CBFA2T3: variants seen among roughly 807,000 people sequenced by gnomAD.
The protein encoded by CBFA2T3 is transcriptional corepressor CBFA2T3.
In CBFA2T3, 31 loss-of-function variants were observed where a neutral mutation model predicts 58.6. That is an observed-to-expected ratio of 0.53 (90% CI 0.40 to 0.71). CBFA2T3 has a LOEUF of 0.71. CBFA2T3 is among the 30% of genes least tolerant of loss of function. The pLI is 0.00. For synonymous variants in CBFA2T3, 531 were observed against 421.9 expected, an observed-to-expected ratio of 1.26 and a Z score of -3.17; for missense variants, 1,076 against 963.1, an observed-to-expected ratio of 1.12 and a Z score of -1.55.
intron 1 of CBFA2T3, among the ~76,000 whole-genome samples, chr16:88,959,687 A>G (rs1472163652): frequency 6.6e-6 from 1 of 152,224 alleles, no homozygotes; most frequent in Admixed American, 6.5e-5. Context: ...GGCGATGGAG[A>G]GAAAACGGGA....
At chr16:88,899,290 G>C (rs974499514) in intron 2 of CBFA2T3, among the ~76,000 whole-genome samples, 1 of 152,152 alleles carries the variant, frequency 6.6e-6, no homozygotes, top group African/African-American at 2.4e-5. Context: ...CCAGGGGCAG[G>C]GGTGCGGCCA....
In CBFA2T3 at chr16:88,880,850, C is replaced by G. The variant is rs950656042; in HGVS notation, c.1403-62G>C. 9 of 1,420,110 alleles carry G rather than the reference C, an allele frequency of 6.3e-6. No homozygotes were observed. The African/African-American group carries it at 1.1e-4, about 18-fold the overall frequency. The allele number at this position is 1,420,110 out of a possible 1,614,324, so 88.0% of individuals were successfully genotyped here. The stretch of plus-strand genomic sequence containing the variant: ...GCGGCTGCCCCTCCCACGCTGGGGC[C>G]CTCCCCACCCTGGCTGGGCCCTGAG... On this transcript the variant is annotated intron_variant, in intron 9 of 11. Transcript: ENST00000268679.
At chr16:88,932,783 T>TA (rs1200182159) in intron 1 of CBFA2T3, among the ~76,000 whole-genome samples, 1 of 16,786 alleles carries the variant, frequency 6.0e-5, no homozygotes, top group Non-Finnish European at 1.1e-4. Context: ...CCGTCTCTAC[T>TA]AAAAATACAA....
chr16:88,925,690 G>T (rs1721170029), intron 1 of CBFA2T3, among the ~76,000 whole-genome samples: 1 of 152,102 alleles, frequency 6.6e-6, no homozygotes, highest in South Asian at 2.1e-4. Flanking sequence ...GTTTCTTCAG[G>T]GGCCGTCCCT....
intron 1 of CBFA2T3, among the ~76,000 whole-genome samples, chr16:88,927,543 A>G (rs1454072949): frequency 6.6e-6 from 1 of 152,086 alleles, no homozygotes; most frequent in Non-Finnish European, 1.5e-5. Context: ...ATCCAGGGAG[A>G]CAGCGACCCT....
At chr16:88,890,631 G>C (rs146246610) in intron 5 of CBFA2T3, among the ~76,000 whole-genome samples, 13 of 152,362 alleles carry the variant, frequency 8.5e-5, no homozygotes, top group Admixed American at 7.8e-4. Flanking sequence ...ATGGCAGTCT[G>C]ACTCCACGGC....
At chr16:88,954,404 A>AGGGTGCT (rs1208803813) in intron 1 of CBFA2T3, among the ~76,000 whole-genome samples, 1 of 133,680 alleles carries the variant, frequency 7.5e-6, no homozygotes, top group Non-Finnish European at 1.6e-5. Context: ...ACCCTACCCA[A>AGGGTGCT]GACTCCTGAC....
At chr16:88,965,675 G>A (rs980118846) in intron 1 of CBFA2T3, among the ~76,000 whole-genome samples, 1 of 152,160 alleles carries the variant, frequency 6.6e-6, no homozygotes, top group African/African-American at 2.4e-5. Flanking sequence ...TTTTAACAAC[G>A]TCTTGTCCAC....
At position 88,928,003 on chromosome 16, in the gene CBFA2T3, C is replaced by T. The variant is rs529727170; in HGVS notation, c.152-26347G>A. ...CCTCACGGAGGCCTCTGTCCACAGGCAGCGGCTCCCGGCACCCACCGCTGC... is the reference window on the plus strand; with the variant it reads ...CCTCACGGAGGCCTCTGTCCACAGGTAGCGGCTCCCGGCACCCACCGCTGC... On this transcript the variant is annotated intron_variant, in intron 1 of 11. Transcript: ENST00000268679. 6.7e-3 allele frequency among the ~76,000 whole-genome samples: 1,016 copies of T among 152,312 alleles called. 17 individuals carry two copies. Among genetic ancestry groups the T allele is most frequent in the African/African-American group, 0.023 (971 of 41,570 alleles).
intron 1 of CBFA2T3, chr16:88,938,219 A>C (rs933133447): frequency 5.3e-5 from 8 of 152,338 alleles, no homozygotes; most frequent in African/African-American, 1.4e-4. Flanking sequence ...GCTAACCCCG[A>C]GTCATGACCG....
At position 88,885,857 on chromosome 16, in the gene CBFA2T3, C is replaced by A. The variant is rs555315155; in HGVS notation, c.893+104G>T. ...CCTCAGCCCGAGAGAGCCGGCCGGG[C>A]TGGCTGCAGCCCCAGAGGAGGTTCC... On this transcript the variant is annotated intron_variant, in intron 6 of 11. Coordinates refer to ENST00000268679, the MANE Select transcript of CBFA2T3 (RefSeq NM_005187.6). The surrounding 1 kb of genome is among the most constrained non-coding windows in gnomAD (Gnocchi z 5.3). 1.6e-4 allele frequency: 163 copies of A among 1,045,182 alleles called. No individual in the cohort carries two copies. The African/African-American group carries it at 2.3e-3, about 15-fold the overall frequency. The allele number at this position is 1,045,182 out of a possible 1,614,324, so 64.7% of individuals were successfully genotyped here. A position where few individuals can be genotyped will look rare whatever the true frequency, so the allele number is the denominator to read the frequency against.
chr16:88,950,157 G>A (rs1391294818), intron 1 of CBFA2T3: 4 of 455,032 alleles, frequency 8.8e-6, no homozygotes, highest in Non-Finnish European at 1.8e-5. Flanking sequence ...CTTGTTCTGC[G>A]TTTCCCTGTT....
At chr16:88,892,051 GGCTTCCGTGT>G in intron 4 of CBFA2T3, 80 bp from the exon 5 acceptor site, 1 of 1,408,384 alleles carries the variant, frequency 7.1e-7, no homozygotes, top group South Asian at 1.2e-5. Flanking sequence ...CTGAGGAGGA[GGCTTCCGTGT>G]TGGAGGCAGG....
intron 1 of CBFA2T3, among the ~76,000 whole-genome samples, chr16:88,952,825 G>A (rs1295132204): frequency 6.6e-6 from 1 of 152,000 alleles, no homozygotes; most frequent in South Asian, 2.1e-4. Flanking sequence ...AATACTTGGC[G>A]GACCCCCTGG....
At chr16:88,954,130 C>T (rs931887278) in intron 1 of CBFA2T3, among the ~76,000 whole-genome samples, 1 of 152,144 alleles carries the variant, frequency 6.6e-6, no homozygotes, top group Non-Finnish European at 1.5e-5. Flanking sequence ...AATCTCACCA[C>T]TGACCAAGAT....
chr16:88,931,888 G>T (rs1567616846), intron 1 of CBFA2T3, among the ~76,000 whole-genome samples: 1 of 152,082 alleles, frequency 6.6e-6, no homozygotes, highest in African/African-American at 2.4e-5. Flanking sequence ...TTTGGGGAGG[G>T]TAAGCACTTC....
intron 1 of CBFA2T3, among the ~76,000 whole-genome samples, chr16:88,948,155 CCTT>C (rs946636579): frequency 3.9e-5 from 6 of 152,224 alleles, no homozygotes; most frequent in African/African-American, 1.4e-4. Context: ...ACTGTGACCT[CCTT>C]CTGAGAGTCA....
At chr16:88,943,431 A>G (rs1217950602) in intron 1 of CBFA2T3, among the ~76,000 whole-genome samples, 7 of 152,242 alleles carry the variant, frequency 4.6e-5, no homozygotes, top group Admixed American at 4.6e-4. Flanking sequence ...AAGGCACTGA[A>G]GATACCACTG....
Position 88,901,504 on chromosome 16 carries a change from G to C in CBFA2T3, c.304C>G (p.His102Asp), listed in dbSNP as rs746944067. Reference sequence around the variant, plus strand: ...CGGCTGCCAGGTGGGGGCTACTTACGTGTGTGTGGCGTGAAGGAGGGGGGG... The same window carrying C: ...CGGCTGCCAGGTGGGGGCTACTTACCTGTGTGTGGCGTGAAGGAGGGGGGG... ...TRPPSFTPHT[H>D]REDGPATLPH... Residue 102 changes from histidine to aspartate, a missense_variant and splice_region_variant, in exon 2 of 12, where the codon CAT becomes GAT. Transcript: ENST00000268679. The C allele has an allele frequency of 1.4e-6, 2 of 1,464,838 alleles. No homozygotes were observed. The highest frequency in any genetic ancestry group is 1.8e-6 in the Non-Finnish European group (2 of 1,109,192). 90.7% of individuals were successfully genotyped at this position (1,464,838 alleles called of 1,614,324 possible). A position where few individuals can be genotyped will look rare whatever the true frequency, so the allele number is the denominator to read the frequency against.
Sources: allele counts gnomAD v4.1 joint callset (sites outside exome capture counted in the v4.1 genomes callset), GRCh38; gene constraint gnomAD v4.1.1; non-coding constraint Gnocchi (gnomAD v3.1); transcripts MANE v1.5; gene names NCBI Gene and HGNC (gene_info 2026-07-23, HGNC 2026-07-21).